Variants in LDLRAD4 observed in about 807,000 individuals in gnomAD.
LDLRAD4 encodes the protein low density lipoprotein receptor class A domain containing 4, also known as low-density lipoprotein receptor class A domain-containing protein 4.
A neutral mutation model predicts 17.0 loss-of-function variants in LDLRAD4; 5 were observed. The ratio of observed to expected loss-of-function variants is 0.29; its 90% CI spans 0.15 to 0.62. The LOEUF (loss-of-function observed/expected upper bound fraction) is 0.62. Among genes scored for constraint, LDLRAD4 ranks in the 20% least tolerant of loss-of-function variants. LDLRAD4 has a pLI of 0.84. For missense variants in LDLRAD4, 340 were observed against 424.7 expected (o/e 0.80, Z 1.75); for synonymous variants, 168 against 171.8 (o/e 0.98, Z 0.17).
chr18:13,325,718 C>T (rs2081491119), intron 1 of LDLRAD4, among the ~76,000 whole-genome samples: 1 of 152,168 alleles, frequency 6.6e-6, no homozygotes, highest in African/African-American at 2.4e-5. Flanking sequence ...CCCCAGTTTC[C>T]TCATCTGTAA....
chr18:13,629,532 C>T (rs1360463004), intron 4 of LDLRAD4, among the ~76,000 whole-genome samples: 2 of 152,170 alleles, frequency 1.3e-5, no homozygotes, highest in Non-Finnish European at 2.9e-5. Context: ...AAAACATCCT[C>T]TGATCATGTA....
intron 3 of LDLRAD4, chr18:13,500,524 T>G (rs1019178660): frequency 6.6e-6 from 1 of 152,234 alleles, no homozygotes; most frequent in Non-Finnish European, 1.5e-5. Context: ...TCCCAGCTCC[T>G]CAGAGAGGAG....
intron 1 of LDLRAD4, among the ~76,000 whole-genome samples, chr18:13,237,997 C>G (rs576450469): frequency 6.6e-6 from 1 of 152,128 alleles, no homozygotes; most frequent in Non-Finnish European, 1.5e-5. Context: ...TGCCTCCTTG[C>G]GAAGTCACGG....
chr18:13,416,750 A>G (rs1172331099), intron 2 of LDLRAD4, among the ~76,000 whole-genome samples: 1 of 152,242 alleles, frequency 6.6e-6, no homozygotes, highest in East Asian at 1.9e-4. Context: ...ATGCAATGGA[A>G]GAACACAGGT....
At chr18:13,407,648 C>T (rs796087873) in intron 2 of LDLRAD4, among the ~76,000 whole-genome samples, 3 of 152,214 alleles carry the variant, frequency 2.0e-5, no homozygotes, top group Non-Finnish European at 4.4e-5. Flanking sequence ...GATGGCCATT[C>T]GGAGCTCAGA....
chr18:13,644,628 A>G (rs1009987970), intron 5 of LDLRAD4, among the ~76,000 whole-genome samples: 2 of 151,980 alleles, frequency 1.3e-5, no homozygotes, highest in African/African-American at 4.8e-5. Context: ...GCCCCTCCTT[A>G]CTTTTCTGAA....
At chr18:13,561,587 T>C (rs1245149940) in intron 3 of LDLRAD4, 2 of 152,004 alleles carry the variant, frequency 1.3e-5, no homozygotes, top group Admixed American at 1.3e-4. Context: ...TCATCGGGAG[T>C]GGTGTCCTGA....
At chr18:13,557,853 C>T (rs764488759) in intron 3 of LDLRAD4, among the ~76,000 whole-genome samples, 2 of 152,200 alleles carry the variant, frequency 1.3e-5, no homozygotes, top group African/African-American at 4.8e-5. Context: ...AGCTGAAGAA[C>T]CTCGATACCA....
intron 1 of LDLRAD4, among the ~76,000 whole-genome samples, chr18:13,248,727 A>G (rs1438593335): frequency 2.6e-5 from 4 of 152,208 alleles, no homozygotes; most frequent in Admixed American, 2.6e-4. Context: ...TAGCATCTCC[A>G]TCATCTCAAA....
At chr18:13,386,058 T>C (rs1224359409) in intron 1 of LDLRAD4, among the ~76,000 whole-genome samples, 1 of 152,242 alleles carries the variant, frequency 6.6e-6, no homozygotes, top group Non-Finnish European at 1.5e-5. Context: ...CACTACCTTC[T>C]GTTTATAGCA....
At chr18:13,456,087 A>G (rs900534257) in intron 3 of LDLRAD4, among the ~76,000 whole-genome samples, 3 of 152,176 alleles carry the variant, frequency 2.0e-5, no homozygotes, top group Non-Finnish European at 4.4e-5. Context: ...TGTGGCAGGA[A>G]CACATCTTCC....
At chr18:13,233,759 A>G (rs2042196553) in intron 1 of LDLRAD4, among the ~76,000 whole-genome samples, 1 of 152,198 alleles carries the variant, frequency 6.6e-6, no homozygotes, top group South Asian at 2.1e-4. Flanking sequence ...ATGTATTTCC[A>G]TAGAGGACCT....
At chr18:13,381,076 GTT>G (rs759672017) in intron 1 of LDLRAD4, among the ~76,000 whole-genome samples, 2 of 128,440 alleles carry the variant, frequency 1.6e-5, no homozygotes, top group Non-Finnish European at 3.2e-5. Flanking sequence ...TTTCTCTTTA[GTT>G]TTTTTTTTTT....
chr18:13,478,061 G>A (rs917196101), intron 3 of LDLRAD4, among the ~76,000 whole-genome samples: 2 of 152,208 alleles, frequency 1.3e-5, no homozygotes, highest in Non-Finnish European at 2.9e-5. Flanking sequence ...AGAAAGACAA[G>A]AGTGGCAAGA....
intron 3 of LDLRAD4, among the ~76,000 whole-genome samples, chr18:13,578,167 C>T (rs994236886): frequency 2.0e-5 from 3 of 152,236 alleles, no homozygotes; most frequent in South Asian, 2.1e-4. Context: ...TGTGTAGTTA[C>T]GGGGTTTGCA....
At chr18:13,484,064 C>T (rs1407392671) in intron 3 of LDLRAD4, 1 of 152,278 alleles carries the variant, frequency 6.6e-6, no homozygotes, top group East Asian at 1.9e-4. Flanking sequence ...CTTGCCATCC[C>T]TGTGTGACAG....
chr18:13,370,715 T>TTTTTTTTTTTTTTTTTTTG (rs1555663261), intron 1 of LDLRAD4, among the ~76,000 whole-genome samples: 2 of 121,000 alleles, frequency 1.7e-5, no homozygotes, highest in Non-Finnish European at 3.2e-5. Flanking sequence ...TTTGTTTTGT[T>TTTTTTTTTTTTTTTTTTTG]TTTTTTTTTT....
intron 3 of LDLRAD4, among the ~76,000 whole-genome samples, chr18:13,474,997 G>A (rs2092901890): frequency 6.6e-6 from 1 of 152,152 alleles, no homozygotes; most frequent in African/African-American, 2.4e-5. Flanking sequence ...CCACAGTTTG[G>A]GGCCTGAGGG....
intron 1 of LDLRAD4, among the ~76,000 whole-genome samples, chr18:13,339,976 A>G (rs7230254): frequency 0.087 from 13,167 of 152,160 alleles, 1,616 homozygotes; most frequent in African/African-American, 0.27. Context: ...GGCAACTGCC[A>G]TTCTACTTTC....
Sources: allele counts gnomAD v4.1 joint callset (sites outside exome capture counted in the v4.1 genomes callset), GRCh38; gene constraint gnomAD v4.1.1; transcripts MANE v1.5; gene names NCBI Gene and HGNC (gene_info 2026-07-23, HGNC 2026-07-21).